SUPT3H: variants seen among roughly 807,000 people sequenced by gnomAD.
The protein encoded by SUPT3H is SPT3 homolog, SAGA and STAGA complex component.
In SUPT3H, 44 loss-of-function variants were observed where a neutral mutation model predicts 44.3. That is an observed-to-expected ratio of 0.99 (90% confidence interval 0.78 to 1.28). The LOEUF (loss-of-function observed/expected upper bound fraction) is 1.28. SUPT3H is among the 50% of genes most tolerant of loss of function. SUPT3H has a pLI of 0.00. For synonymous variants in SUPT3H, 124 were observed against 125.6 expected, an observed-to-expected ratio of 0.99 and a Z score of 0.09; for missense variants, 380 against 387.1, an observed-to-expected ratio of 0.98 and a Z score of 0.15.
At chr6:44,961,648 T>C (rs1776040920) in intron 7 of SUPT3H, 105 bp downstream of exon 7, 1 of 899,242 alleles carries the variant, frequency 1.1e-6, no homozygotes, top group Non-Finnish European at 1.8e-6. Flanking sequence ...ACTACACATA[T>C]ATTAAATCCA....
chr6:45,353,824 G>A (rs1436896558), intron 2 of SUPT3H, among the ~76,000 whole-genome samples: 2 of 150,734 alleles, frequency 1.3e-5, no homozygotes, highest in Non-Finnish European at 3.0e-5. Context: ...GCAACCACGA[G>A]ATTTAGGTGC....
At chr6:45,293,290 G>A (rs1242539659) in intron 2 of SUPT3H, among the ~76,000 whole-genome samples, 2 of 152,100 alleles carry the variant, frequency 1.3e-5, no homozygotes, top group East Asian at 3.9e-4. Flanking sequence ...TGAACTGAAT[G>A]ACAATAGTGA....
chr6:45,055,222 T>G (rs746016848), intron 3 of SUPT3H, among the ~76,000 whole-genome samples: 1 of 152,128 alleles, frequency 6.6e-6, no homozygotes, highest in Non-Finnish European at 1.5e-5. Flanking sequence ...GTAGAATCAG[T>G]ATTGTGAAAA....
At chr6:44,861,031 T>C (rs1030245931) in intron 10 of SUPT3H, among the ~76,000 whole-genome samples, 4 of 152,230 alleles carry the variant, frequency 2.6e-5, no homozygotes, top group Admixed American at 1.3e-4. Context: ...ATTAATTCAC[T>C]GAGATACTCT....
At chr6:45,050,489 T>G (rs1489983623) in intron 3 of SUPT3H, among the ~76,000 whole-genome samples, 11 of 151,804 alleles carry the variant, frequency 7.2e-5, no homozygotes, top group Admixed American at 7.2e-4. Context: ...ATTTAGGAAA[T>G]TTTCATGGGG....
intron 10 of SUPT3H, among the ~76,000 whole-genome samples, chr6:44,856,646 T>C (rs986190424): frequency 3.9e-5 from 6 of 152,164 alleles, no homozygotes; most frequent in Non-Finnish European, 8.8e-5. Context: ...CACATAGCAA[T>C]AGCCACAGCT....
chr6:45,036,547 A>G lies in SUPT3H; in HGVS notation c.187-15915T>C, dbSNP rs553938444. Reference sequence around the variant, plus strand: ...AAAAATGAGGTCACAGGTAAAGCTTAAAAAGTTACATTGCCATTTCATTCT... The same window carrying G: ...AAAAATGAGGTCACAGGTAAAGCTTGAAAAGTTACATTGCCATTTCATTCT... On this transcript the variant is annotated intron_variant, in intron 3 of 10. Coordinates refer to ENST00000371459, the MANE Select transcript of SUPT3H (RefSeq NM_003599.4). 3.3e-5 allele frequency among the ~76,000 whole-genome samples: 5 copies of G among 152,314 alleles called. No individual in the cohort carries two copies. In the South Asian group the frequency reaches 1.0e-3, roughly 32 times the overall value.
intron 6 of SUPT3H, among the ~76,000 whole-genome samples, chr6:44,974,309 T>G (rs1398938572): frequency 2.7e-5 from 4 of 150,924 alleles, no homozygotes. Context: ...ATAATGTGTG[T>G]GTATAAATTG....
At chr6:45,116,067 C>T (rs754036370) in intron 2 of SUPT3H, among the ~76,000 whole-genome samples, 1 of 152,196 alleles carries the variant, frequency 6.6e-6, no homozygotes, top group South Asian at 2.1e-4. Flanking sequence ...TGCTAACAAA[C>T]TGTGCTTGAC....
intron 2 of SUPT3H, among the ~76,000 whole-genome samples, chr6:45,313,188 G>C (rs1320125233): frequency 6.6e-6 from 1 of 152,024 alleles, no homozygotes; most frequent in African/African-American, 2.4e-5. Context: ...CAAAAAGGTT[G>C]AAAGAGCACA....
chr6:44,930,676 G>A (rs1011320364), intron 10 of SUPT3H, among the ~76,000 whole-genome samples: 3 of 152,022 alleles, frequency 2.0e-5, no homozygotes, highest in Non-Finnish European at 4.4e-5. Context: ...CCCTCCTGAG[G>A]AATAATAACA....
At chr6:45,245,293 A>G (rs764715397) in intron 2 of SUPT3H, among the ~76,000 whole-genome samples, 2 of 152,160 alleles carry the variant, frequency 1.3e-5, no homozygotes, top group African/African-American at 2.4e-5. Context: ...TAAAATATTC[A>G]TAACATAAAA....
chr6:45,347,184 T>C (rs1026966576), intron 2 of SUPT3H, among the ~76,000 whole-genome samples: 11 of 152,180 alleles, frequency 7.2e-5, no homozygotes, highest in African/African-American at 2.7e-4. Context: ...TAATGGGATA[T>C]CTGGCTAACA....
intron 2 of SUPT3H, among the ~76,000 whole-genome samples, chr6:45,338,290 T>C (rs1464982065): frequency 6.6e-6 from 1 of 151,996 alleles, no homozygotes; most frequent in Non-Finnish European, 1.5e-5. Context: ...TCACTGCAGA[T>C]TGTTCTCTCA....
In SUPT3H at chr6:44,968,325, A is replaced by G. The variant is rs543938555; in HGVS notation, c.505-6497T>C. Among the ~76,000 whole-genome samples the G allele has an allele frequency of 3.3e-5, 5 of 152,324 alleles. No homozygotes were observed. The East Asian group carries it at 9.6e-4, about 29-fold the overall frequency. On this transcript the variant is annotated intron_variant, in intron 6 of 10. Transcript: ENST00000371459. The stretch of plus-strand genomic sequence containing the variant: ...TTATGAAATGTGTATGCATGTTTAT[A>G]TATGTATAACGTGGTCCACTTGCAG...
At chr6:45,070,158 T>C (rs568975456) in intron 3 of SUPT3H, among the ~76,000 whole-genome samples, 10 of 152,236 alleles carry the variant, frequency 6.6e-5, no homozygotes, top group South Asian at 2.1e-4. Flanking sequence ...TGATATATCA[T>C]TGGATTTTCC....
chr6:44,923,014 C>T lies in SUPT3H; in HGVS notation c.912+9639G>A, dbSNP rs562667106. On this transcript the variant is annotated intron_variant, in intron 10 of 10. Coordinates refer to ENST00000371459, the MANE Select transcript of SUPT3H (RefSeq NM_003599.4). ...CATTCCTCCAGAAGACAGCAAAAAC[C>T]CAGAAACTGTAACAACATTTAAACC... is the stretch of plus-strand genomic sequence containing the variant. 5.9e-5 allele frequency among the ~76,000 whole-genome samples: 9 copies of T among 152,092 alleles called. No homozygotes were observed. The East Asian group carries it at 1.5e-3, about 26-fold the overall frequency.
intron 10 of SUPT3H, among the ~76,000 whole-genome samples, chr6:44,890,919 G>T (rs1763204377): frequency 6.6e-6 from 1 of 151,608 alleles, no homozygotes; most frequent in Non-Finnish European, 1.5e-5. Flanking sequence ...CTGCAAGTCG[G>T]AGTTGAACAA....
At chr6:45,232,635 G>A (rs1584400672) in intron 2 of SUPT3H, among the ~76,000 whole-genome samples, 2 of 152,168 alleles carry the variant, frequency 1.3e-5, no homozygotes, top group East Asian at 3.9e-4. Context: ...GGTGATGGTA[G>A]TAGTGGGATG....
Sources: gnomAD v4.1 joint callset for allele counts (sites outside exome capture counted in the v4.1 genomes callset) on GRCh38, gnomAD v4.1.1 for gene constraint, MANE v1.5 for transcripts, NCBI Gene and HGNC (gene_info 2026-07-23, HGNC 2026-07-21) for gene names.